EPB41L4A: variants seen among roughly 807,000 people sequenced by gnomAD.
EPB41L4A encodes the protein band 4.1-like protein 4A.
In EPB41L4A, 100 loss-of-function variants were observed where a neutral mutation model predicts 108.6. That is an observed-to-expected ratio of 0.92 (90% CI 0.78 to 1.09). EPB41L4A has a LOEUF of 1.09. Ranked by LOEUF, EPB41L4A falls within the 50% of genes least tolerant of loss-of-function variation. The pLI is 0.00. For synonymous variants in EPB41L4A, 319 were observed against 289.0 expected, an observed-to-expected ratio of 1.10 and a Z score of -1.05; for missense variants, 1,030 against 842.7, an observed-to-expected ratio of 1.22 and a Z score of -2.75.
At chr5:112,278,162 C>T (rs974339015) in intron 3 of EPB41L4A, among the ~76,000 whole-genome samples, 3 of 152,092 alleles carry the variant, frequency 2.0e-5, no homozygotes, top group African/African-American at 7.2e-5. Flanking sequence ...CCTTCACTAT[C>T]AAATAATTTC....
At chr5:112,303,693 C>G (rs1048695197) in intron 2 of EPB41L4A, among the ~76,000 whole-genome samples, 1 of 152,074 alleles carries the variant, frequency 6.6e-6, no homozygotes, top group Non-Finnish European at 1.5e-5. Flanking sequence ...GACAGAGTCT[C>G]TTGGATTTAG....
intron 1 of EPB41L4A, among the ~76,000 whole-genome samples, chr5:112,408,883 G>A (rs1396814488): frequency 2.0e-5 from 3 of 151,884 alleles, no homozygotes; most frequent in Admixed American, 6.6e-5. Context: ...TATACATAAT[G>A]ATGAAGTCAT....
At chr5:112,390,860 A>T (rs1372036036) in intron 1 of EPB41L4A, among the ~76,000 whole-genome samples, 1 of 152,222 alleles carries the variant, frequency 6.6e-6, no homozygotes, top group African/African-American at 2.4e-5. Context: ...AGGAAAGATC[A>T]AGCAGCAATA....
chr5:112,176,746 T>G (rs1760886620), intron 18 of EPB41L4A, among the ~76,000 whole-genome samples: 1 of 79,360 alleles, frequency 1.3e-5, no homozygotes, highest in Non-Finnish European at 2.2e-5. Flanking sequence ...AGAGCAACTT[T>G]TTTTTTTTTT....
chr5:112,378,030 G>A (rs1450343269), intron 1 of EPB41L4A, among the ~76,000 whole-genome samples: 3 of 152,174 alleles, frequency 2.0e-5, no homozygotes, highest in Admixed American at 6.5e-5. Flanking sequence ...AAAATAAGAT[G>A]CAACCTTGGT....
chr5:112,161,713 G>T (rs1759918441), downstream of EPB41L4A: 1 of 476,840 alleles, frequency 2.1e-6, no homozygotes, highest in Non-Finnish European at 4.2e-6. Flanking sequence ...GTGGAAGATG[G>T]ATGCCTGAAG....
At chr5:112,332,046 A>C (rs981204318) in intron 1 of EPB41L4A, among the ~76,000 whole-genome samples, 22 of 152,244 alleles carry the variant, frequency 1.4e-4, no homozygotes, top group African/African-American at 5.3e-4. Context: ...AGGAACAGAA[A>C]CCGAAGGAAT....
intron 1 of EPB41L4A, among the ~76,000 whole-genome samples, chr5:112,399,626 TA>T (rs1761604652): frequency 6.6e-6 from 1 of 152,204 alleles, no homozygotes; most frequent in Non-Finnish European, 1.5e-5. Context: ...ATTCCCTCCC[TA>T]AAGCTCTAAT....
chr5:112,329,522 C>T (rs1756410825), intron 1 of EPB41L4A, among the ~76,000 whole-genome samples: 1 of 152,156 alleles, frequency 6.6e-6, no homozygotes, highest in Non-Finnish European at 1.5e-5. Flanking sequence ...GCCCTAAATC[C>T]TCATCTATAA....
intron 12 of EPB41L4A, among the ~76,000 whole-genome samples, chr5:112,230,100 T>C (rs1297195116): frequency 6.6e-6 from 1 of 152,164 alleles, no homozygotes; most frequent in Non-Finnish European, 1.5e-5. Flanking sequence ...CATAGTAATA[T>C]AAACACCACT....
At chr5:112,301,931 T>C (rs1208124219) in intron 2 of EPB41L4A, among the ~76,000 whole-genome samples, 4 of 151,950 alleles carry the variant, frequency 2.6e-5, no homozygotes, top group Non-Finnish European at 4.4e-5. Context: ...TATAATAACA[T>C]TTTAGGGAGA....
At chr5:112,211,587 CAA>C (rs1244464078) in intron 12 of EPB41L4A, among the ~76,000 whole-genome samples, 7 of 74,928 alleles carry the variant, frequency 9.3e-5, no homozygotes, top group Admixed American at 1.6e-4. Context: ...GACTCCGTCT[CAA>C]AAAAAAAAAA....
chr5:112,325,963 G>A (rs763225368), intron 1 of EPB41L4A, among the ~76,000 whole-genome samples: 1 of 152,058 alleles, frequency 6.6e-6, no homozygotes, highest in Non-Finnish European at 1.5e-5. Flanking sequence ...ACCAGCTAGG[G>A]CAACATTGTA....
At chr5:112,274,127 A>G (rs904266598) in intron 4 of EPB41L4A, among the ~76,000 whole-genome samples, 1 of 151,802 alleles carries the variant, frequency 6.6e-6, no homozygotes, top group Non-Finnish European at 1.5e-5. Flanking sequence ...AAAAAAAAAA[A>G]GTATTAGCTA....
chr5:112,144,484 C>G (rs557159587), intron 13 of EPB41L4A, among the ~76,000 whole-genome samples: 1 of 152,194 alleles, frequency 6.6e-6, no homozygotes, highest in South Asian at 2.1e-4. Flanking sequence ...GCCAAGTTGC[C>G]CAGGCTGGTC....
chr5:112,185,234 C>T (rs965220654), intron 17 of EPB41L4A, among the ~76,000 whole-genome samples: 1 of 152,124 alleles, frequency 6.6e-6, no homozygotes. Flanking sequence ...GCACTCACCC[C>T]AGTACTGCAA....
At chr5:112,156,285 T>G (rs1275505166) in intron 12 of EPB41L4A, among the ~76,000 whole-genome samples, 1 of 152,138 alleles carries the variant, frequency 6.6e-6, no homozygotes, top group Non-Finnish European at 1.5e-5. Flanking sequence ...ACACACATGC[T>G]GAAACATTAG....
intron 13 of EPB41L4A, chr5:112,205,881 T>C (rs1015099513): frequency 5.1e-5 from 10 of 196,448 alleles, no homozygotes; most frequent in Non-Finnish European, 1.0e-4. Context: ...GGCTCCCTTT[T>C]TACAACAGTG....
chr5:112,178,678 A>G (rs1481119693), intron 18 of EPB41L4A, among the ~76,000 whole-genome samples: 4 of 152,038 alleles, frequency 2.6e-5, no homozygotes, highest in Non-Finnish European at 5.9e-5. Flanking sequence ...TAAAAATGCC[A>G]GCATCAAAAA....
Sources: allele counts gnomAD v4.1 joint callset (sites outside exome capture counted in the v4.1 genomes callset), GRCh38; gene constraint gnomAD v4.1.1; transcripts MANE v1.5; gene names NCBI Gene and HGNC (gene_info 2026-07-23, HGNC 2026-07-21).